The following CDH18 variants were observed in gnomAD, a reference collection of about 807,000 sequenced individuals.
CDH18 encodes cadherin-18.
CDH18 carries 31 observed loss-of-function variants against 67.9 expected under a neutral mutation model. The ratio of observed to expected loss-of-function variants is 0.46; its 90% CI spans 0.34 to 0.62. The LOEUF (loss-of-function observed/expected upper bound fraction) is 0.62. Ranked by LOEUF, CDH18 falls within the 20% of genes least tolerant of loss-of-function variation. The pLI, the probability that CDH18 is intolerant of heterozygous loss-of-function variation, is 0.01. For synonymous variants in CDH18, 362 were observed against 347.2 expected, an observed-to-expected ratio of 1.04 and a Z score of -0.48; for missense variants, 890 against 975.5, an observed-to-expected ratio of 0.91 and a Z score of 1.17.
At chr5:19,935,185 A>G (rs1794103573) in intron 2 of CDH18, among the ~76,000 whole-genome samples, 1 of 151,304 alleles carries the variant, frequency 6.6e-6, no homozygotes, top group African/African-American at 2.4e-5. Flanking sequence ...ATACCTGTTC[A>G]TGACCAGCTT....
chr5:19,824,062 A>C (rs1350008522), intron 3 of CDH18, among the ~76,000 whole-genome samples: 1 of 152,192 alleles, frequency 6.6e-6, no homozygotes, highest in Non-Finnish European at 1.5e-5. Context: ...AAATAAAAGA[A>C]TCCCAAAACT....
intron 2 of CDH18, among the ~76,000 whole-genome samples, chr5:20,033,584 A>G (rs1739584349): frequency 1.3e-5 from 2 of 152,188 alleles, no homozygotes; most frequent in South Asian, 2.1e-4. Flanking sequence ...TTTTCTTCCC[A>G]ATATGAAAAG....
intron 2 of CDH18, among the ~76,000 whole-genome samples, chr5:19,888,064 T>A (rs140226600): frequency 6.6e-6 from 1 of 152,132 alleles, no homozygotes. Context: ...TATTCCCTTA[T>A]TCTATTTGTC....
intron 1 of CDH18, among the ~76,000 whole-genome samples, chr5:20,522,610 C>G (rs1332663895): frequency 6.6e-6 from 1 of 152,098 alleles, no homozygotes; most frequent in Non-Finnish European, 1.5e-5. Flanking sequence ...TAATGTGAGG[C>G]AGTAGTAGAG....
At chr5:19,490,474 G>C (rs1010080787) in intron 11 of CDH18, among the ~76,000 whole-genome samples, 1 of 134,314 alleles carries the variant, frequency 7.4e-6, no homozygotes, top group Non-Finnish European at 1.5e-5. Flanking sequence ...GAGTGCAGTG[G>C]TGCGATCTTG....
At position 19,538,564 on chromosome 5, in the gene CDH18, A is replaced by C. The variant is rs146900854; in HGVS notation, c.1390+5305T>G. Among the ~76,000 whole-genome samples, 4 of 152,346 alleles carry C rather than the reference A, an allele frequency of 2.6e-5. No homozygotes were observed. In the East Asian group the frequency reaches 7.7e-4, roughly 29 times the overall value. On this transcript the variant is annotated intron_variant, in intron 9 of 12. Transcript: ENST00000382275. ...TTTACTTCACAATATAAATTTAAAAAATAAATAACAAAATAAACGTTAGTG... is the reference window on the plus strand; with the variant it reads ...TTTACTTCACAATATAAATTTAAAACATAAATAACAAAATAAACGTTAGTG...
intron 1 of CDH18, among the ~76,000 whole-genome samples, chr5:20,494,212 A>G (rs1488220032): frequency 1.3e-5 from 2 of 152,198 alleles, no homozygotes; most frequent in Non-Finnish European, 2.9e-5. Context: ...CCCAAATTGA[A>G]GAGAGTGGAA....
chr5:19,901,234 C>T (rs2150112480), intron 2 of CDH18, among the ~76,000 whole-genome samples: 1 of 151,992 alleles, frequency 6.6e-6, no homozygotes, highest in South Asian at 2.1e-4. Context: ...TTATTTTACT[C>T]TTATGTAATT....
intron 2 of CDH18, among the ~76,000 whole-genome samples, chr5:19,949,720 G>A (rs966344809): frequency 4.6e-5 from 7 of 152,086 alleles, no homozygotes; most frequent in Non-Finnish European, 1.0e-4. Flanking sequence ...CGATGGCAAT[G>A]TATTTGGCCA....
At chr5:19,679,846 T>C (rs190575447) in intron 5 of CDH18, among the ~76,000 whole-genome samples, 1 of 152,084 alleles carries the variant, frequency 6.6e-6, no homozygotes, top group African/African-American at 2.4e-5. Context: ...TAATTGATAT[T>C]GTTAAAATGG....
intron 6 of CDH18, among the ~76,000 whole-genome samples, chr5:19,592,971 T>C (rs971669857): frequency 6.6e-6 from 1 of 152,086 alleles, no homozygotes; most frequent in African/African-American, 2.4e-5. Context: ...CTGTCCTCAG[T>C]AGTCATCCAT....
At chr5:19,550,535 T>TA (rs1737235141) in intron 8 of CDH18, among the ~76,000 whole-genome samples, 1 of 152,086 alleles carries the variant, frequency 6.6e-6, no homozygotes, top group East Asian at 1.9e-4. Flanking sequence ...GTCCTTGCGA[T>TA]AGTTTGCTGA....
chr5:20,439,750 G>A (rs1288129948), intron 1 of CDH18, among the ~76,000 whole-genome samples: 4 of 151,664 alleles, frequency 2.6e-5, no homozygotes, highest in Non-Finnish European at 5.9e-5. Context: ...ATTTTTAAAC[G>A]AATCCATCCT....
intron 5 of CDH18, among the ~76,000 whole-genome samples, chr5:19,693,425 T>A (rs1762154709): frequency 6.6e-6 from 1 of 152,246 alleles, no homozygotes; most frequent in African/African-American, 2.4e-5. Flanking sequence ...TGCATCTTTC[T>A]TGGACATTTC....
chr5:19,781,614 C>CATAAGATTTT (rs2149783514), intron 3 of CDH18, among the ~76,000 whole-genome samples: 2 of 152,126 alleles, frequency 1.3e-5, no homozygotes, highest in Non-Finnish European at 2.9e-5. Flanking sequence ...ACCACTTTAA[C>CATAAGATTTT]ATAAGATTTT....
chr5:19,680,574 A>G (rs1760147397), intron 5 of CDH18, among the ~76,000 whole-genome samples: 1 of 152,046 alleles, frequency 6.6e-6, no homozygotes, highest in African/African-American at 2.4e-5. Flanking sequence ...GAAGCAAAAA[A>G]CACACAAACC....
chr5:19,866,819 T>C (rs1053885621), intron 2 of CDH18, among the ~76,000 whole-genome samples: 17 of 152,140 alleles, frequency 1.1e-4, no homozygotes, highest in Middle Eastern at 3.4e-3. Context: ...TGGCTGGGCG[T>C]GGTGGCTCAC....
chr5:20,068,616 A>G (rs1012732189), intron 2 of CDH18, among the ~76,000 whole-genome samples: 3 of 152,148 alleles, frequency 2.0e-5, no homozygotes, highest in Non-Finnish European at 4.4e-5. Context: ...TAAGTTTTCA[A>G]TATGTTTATA....
intron 8 of CDH18, among the ~76,000 whole-genome samples, chr5:19,555,227 C>T (rs993375645): frequency 1.3e-5 from 2 of 152,116 alleles, no homozygotes; most frequent in African/African-American, 4.8e-5. Flanking sequence ...AACTTTTGCT[C>T]CAAGAACTAC....
Sources: allele counts gnomAD v4.1 joint callset (sites outside exome capture counted in the v4.1 genomes callset), GRCh38; gene constraint gnomAD v4.1.1; transcripts MANE v1.5; gene names NCBI Gene and HGNC (gene_info 2026-07-23, HGNC 2026-07-21).